The following HIPK2 variants were observed in gnomAD, a reference collection of about 807,000 sequenced individuals.
HIPK2 encodes the protein homeodomain-interacting protein kinase 2.
Under a neutral mutation model 113.7 loss-of-function variants are expected in HIPK2, and 27 were observed. The ratio of observed to expected loss-of-function variants is 0.24; its 90% CI spans 0.17 to 0.33. The LOEUF is 0.33. HIPK2 is among the 10% of genes least tolerant of loss of function. The pLI is 1.00. For missense variants in HIPK2, 1,257 were observed against 1,588.0 expected, an observed-to-expected ratio of 0.79 and a Z score of 3.54; for synonymous variants, 631 against 642.2, an observed-to-expected ratio of 0.98 and a Z score of 0.26.
chr7:139,766,359 T>C (rs1050664863), intron 1 of HIPK2, among the ~76,000 whole-genome samples: 4 of 152,226 alleles, frequency 2.6e-5, no homozygotes, highest in African/African-American at 9.6e-5. Flanking sequence ...TCCTGAATAT[T>C]TGATATGTTT....
chr7:139,581,514 G>C (rs985351711), intron 13 of HIPK2, among the ~76,000 whole-genome samples: 1 of 152,236 alleles, frequency 6.6e-6, no homozygotes, highest in African/African-American at 2.4e-5. Flanking sequence ...ACCCCAACCT[G>C]AGAAGGACTG....
chr7:139,745,359 A>C (rs907419774), intron 1 of HIPK2, among the ~76,000 whole-genome samples: 10 of 152,180 alleles, frequency 6.6e-5, no homozygotes, highest in Admixed American at 6.5e-4. Context: ...TGGATTTAGC[A>C]TTCAAGTGTG....
At chr7:139,593,953 C>T (rs930336505) in intron 12 of HIPK2, among the ~76,000 whole-genome samples, 1 of 152,096 alleles carries the variant, frequency 6.6e-6, no homozygotes. Context: ...TCCCCTTGAG[C>T]CCCTCAGTAT....
chr7:139,651,244 G>A (rs1426724823), intron 2 of HIPK2, among the ~76,000 whole-genome samples: 8 of 152,166 alleles, frequency 5.3e-5, no homozygotes, highest in Non-Finnish European at 1.2e-4. Context: ...ACAGCCTGAG[G>A]AGGACTTCCA....
chr7:139,666,991 G>C (rs539088052), intron 2 of HIPK2, among the ~76,000 whole-genome samples: 3 of 152,038 alleles, frequency 2.0e-5, no homozygotes, highest in African/African-American at 7.2e-5. Context: ...AACCTTGTTG[G>C]GGGGCAGAGG....
chr7:139,654,090 T>C (rs1801570551), intron 2 of HIPK2, among the ~76,000 whole-genome samples: 2 of 152,162 alleles, frequency 1.3e-5, no homozygotes, highest in Admixed American at 6.5e-5. Flanking sequence ...GCTTATTGAA[T>C]GATAAAGCAG....
chr7:139,701,544 T>A (rs1794709113), intron 2 of HIPK2, among the ~76,000 whole-genome samples: 1 of 152,192 alleles, frequency 6.6e-6, no homozygotes, highest in Non-Finnish European at 1.5e-5. Context: ...CGCTGAGACC[T>A]ACGTCTCTCT....
At chr7:139,673,424 C>A (rs1802376325) in intron 2 of HIPK2, among the ~76,000 whole-genome samples, 1 of 152,182 alleles carries the variant, frequency 6.6e-6, no homozygotes, top group Non-Finnish European at 1.5e-5. Context: ...GCTACCAATG[C>A]CTCTGAGCAT....
chr7:139,670,246 C>T (rs1217943444), intron 2 of HIPK2, among the ~76,000 whole-genome samples: 1 of 152,062 alleles, frequency 6.6e-6, no homozygotes, highest in African/African-American at 2.4e-5. Context: ...GATCTGCATT[C>T]TGAATTGAGA....
At chr7:139,614,556 T>C (rs1387573482) in intron 7 of HIPK2, 63 bp from the exon 8 acceptor site, 1 of 1,020,228 alleles carries the variant, frequency 9.8e-7, no homozygotes, top group Non-Finnish European at 1.3e-6. Context: ...AGGTGGCATG[T>C]TGGGAGACAC....
chr7:139,643,505 T>C (rs548910710), intron 2 of HIPK2, among the ~76,000 whole-genome samples: 7 of 151,988 alleles, frequency 4.6e-5, no homozygotes, highest in South Asian at 2.1e-4. Context: ...GAGGAGAAGG[T>C]TGCATCTGCA....
At chr7:139,638,241 T>C (rs895182200) in intron 2 of HIPK2, among the ~76,000 whole-genome samples, 1 of 152,210 alleles carries the variant, frequency 6.6e-6, no homozygotes, top group African/African-American at 2.4e-5. Context: ...TTTTAACCTT[T>C]TCCAATCCAC....
chr7:139,655,042 T>C (rs1801608427), intron 2 of HIPK2, among the ~76,000 whole-genome samples: 1 of 152,018 alleles, frequency 6.6e-6, no homozygotes, highest in Admixed American at 6.5e-5. Context: ...CAATAGAAAA[T>C]AGCTAATTCA....
intron 9 of HIPK2, among the ~76,000 whole-genome samples, chr7:139,607,510 AC>A (rs1452183596): frequency 6.6e-6 from 1 of 152,286 alleles, no homozygotes; most frequent in Admixed American, 6.5e-5. Flanking sequence ...AAACATACAA[AC>A]CTTTTATAGC....
intron 2 of HIPK2, among the ~76,000 whole-genome samples, chr7:139,709,420 T>C (rs186622915): frequency 2.0e-5 from 3 of 152,362 alleles, no homozygotes; most frequent in Admixed American, 1.3e-4. Flanking sequence ...AAATGACTTA[T>C]ATTTATGGCT....
chr7:139,665,043 T>C (rs201977079), intron 2 of HIPK2, among the ~76,000 whole-genome samples: 15 of 113,928 alleles, frequency 1.3e-4, no homozygotes, highest in African/African-American at 1.7e-4. Flanking sequence ...CTCTCTCTTT[T>C]TTTTTTTTTT....
Position 139,631,079 on chromosome 7 carries a change from A to C in HIPK2, c.1347+86T>G. 1.3e-6 allele frequency: 2 copies of C among 1,494,498 alleles called. No individual in the cohort carries two copies. Among genetic ancestry groups the C allele is most frequent in the Non-Finnish European group, 1.8e-6 (2 of 1,117,646 alleles). 92.6% of individuals were successfully genotyped at this position (1,494,498 alleles called of 1,614,324 possible). On this transcript the variant is annotated intron_variant, in intron 4 of 14. Transcript: ENST00000406875. This position sits in a 1 kb window ranked among gnomAD's most constrained non-coding sequence, Gnocchi z 4.9. ...CCCAGTGCCCTCATTTTGCTGACTGAATCAAAAGCTCCCCACTAATGGGTC... is the reference window on the plus strand; with the variant it reads ...CCCAGTGCCCTCATTTTGCTGACTGCATCAAAAGCTCCCCACTAATGGGTC...
chr7:139,725,229 T>C (rs1317999150), intron 1 of HIPK2, among the ~76,000 whole-genome samples: 3 of 152,190 alleles, frequency 2.0e-5, no homozygotes, highest in Admixed American at 6.5e-5. Flanking sequence ...CTTGCCAAAG[T>C]AAACACTAGA....
At chr7:139,650,954 T>C (rs774239086) in intron 2 of HIPK2, among the ~76,000 whole-genome samples, 1 of 152,246 alleles carries the variant, frequency 6.6e-6, no homozygotes, top group African/African-American at 2.4e-5. Context: ...CGTCCTGTCA[T>C]GTTGCTCCCA....
Sources: gnomAD v4.1 joint callset for allele counts (sites outside exome capture counted in the v4.1 genomes callset) on GRCh38, gnomAD v4.1.1 for gene constraint, Gnocchi (gnomAD v3.1) non-coding constraint, MANE v1.5 for transcripts, NCBI Gene and HGNC (gene_info 2026-07-23, HGNC 2026-07-21) for gene names.